The following SEMA6D variants were observed in gnomAD, a reference collection of about 807,000 sequenced individuals.
The protein encoded by SEMA6D is semaphorin-6D.
A neutral mutation model predicts 106.6 loss-of-function variants in SEMA6D; 35 were observed. That is an observed-to-expected ratio of 0.33 (90% CI 0.25 to 0.44). SEMA6D has a LOEUF of 0.44. Among genes scored for constraint, SEMA6D ranks in the 20% least tolerant of loss-of-function variants. The pLI is 1.00. For synonymous variants in SEMA6D, 499 were observed against 487.7 expected (o/e 1.02, Z -0.31); for missense variants, 1,185 against 1,345.9 (o/e 0.88, Z 1.87).
intron 1 of SEMA6D, among the ~76,000 whole-genome samples, chr15:47,359,233 A>G (rs1227212940): frequency 6.6e-6 from 1 of 152,220 alleles, no homozygotes; most frequent in Non-Finnish European, 1.5e-5. Flanking sequence ...ATATTTATAC[A>G]TATGTGTATG....
chr15:47,382,129 G>C (rs1409167212), intron 1 of SEMA6D, among the ~76,000 whole-genome samples: 1 of 152,066 alleles, frequency 6.6e-6, no homozygotes, highest in African/African-American at 2.4e-5. Context: ...ATATTAACAT[G>C]GCAAAAGAAA....
At chr15:47,281,707 G>A (rs2035128422) in intron 1 of SEMA6D, among the ~76,000 whole-genome samples, 1 of 152,076 alleles carries the variant, frequency 6.6e-6, no homozygotes, top group South Asian at 2.1e-4. Context: ...ATAGAGCACA[G>A]TATAATGTTA....
intron 4 of SEMA6D, among the ~76,000 whole-genome samples, chr15:47,711,309 C>CAAAAAAAAA (rs10672105): frequency 3.1e-5 from 3 of 97,816 alleles, no homozygotes; most frequent in Non-Finnish European, 5.8e-5. Flanking sequence ...GACTCCGTCT[C>CAAAAAAAAA]AAAAAAAAAA....
At position 47,506,597 on chromosome 15, in the gene SEMA6D, CAA is replaced by C. The variant is rs61613389; in HGVS notation, c.-87+36054_-87+36055del. 2.5e-3 allele frequency among the ~76,000 whole-genome samples: 362 copies of C among 142,730 alleles called. 2 individuals carry two copies. The highest frequency in any genetic ancestry group is 9.0e-3 in the African/African-American group (333 of 36,936). 93.6% of individuals were successfully genotyped at this position (142,730 alleles called of 152,430 possible). On this transcript the variant is annotated intron_variant, in intron 3 of 19. Transcript: ENST00000558014. ...AACTACATGGGCATTTACACACACACAAACACACACACACACACACACACACA... is the reference window on the plus strand; with the variant it reads ...AACTACATGGGCATTTACACACACACACACACACACACACACACACACACA...
chr15:47,737,134 A>C (rs898787526), intron 1 of SEMA6D, among the ~76,000 whole-genome samples: 4 of 152,186 alleles, frequency 2.6e-5, no homozygotes, highest in African/African-American at 9.6e-5. Context: ...TAATATGCTA[A>C]TTTAGCTGAA....
intron 2 of SEMA6D, among the ~76,000 whole-genome samples, chr15:47,453,837 C>T (rs942119793): frequency 1.3e-5 from 2 of 151,904 alleles, no homozygotes; most frequent in African/African-American, 4.8e-5. Flanking sequence ...AATGAAGCTA[C>T]AAGATAGAGT....
chr15:47,767,006 C>A (rs750718335), intron 16 of SEMA6D, 31 bp from the exon 17 acceptor site: 4 of 1,335,980 alleles, frequency 3.0e-6, no homozygotes, highest in South Asian at 1.5e-5. Context: ...GGTTACTTTT[C>A]ACTGATTACT....
At chr15:47,216,790 G>T (rs1221905285) in intron 1 of SEMA6D, among the ~76,000 whole-genome samples, 18 of 151,966 alleles carry the variant, frequency 1.2e-4, no homozygotes, top group Non-Finnish European at 1.9e-4. Context: ...TATAATTAAA[G>T]AGATGAAAAT....
chr15:47,434,824 G>T (rs1301040407), intron 2 of SEMA6D, among the ~76,000 whole-genome samples: 1 of 152,112 alleles, frequency 6.6e-6, no homozygotes, highest in African/African-American at 2.4e-5. Flanking sequence ...AGGAATATGT[G>T]TGTTTATATC....
At chr15:47,728,325 A>G (rs1456360888) in intron 1 of SEMA6D, among the ~76,000 whole-genome samples, 6 of 152,232 alleles carry the variant, frequency 3.9e-5, no homozygotes. Context: ...GCTCTAGTGA[A>G]AAGTATTATT....
intron 1 of SEMA6D, among the ~76,000 whole-genome samples, chr15:47,302,879 A>G (rs1394750096): frequency 6.6e-6 from 1 of 152,182 alleles, no homozygotes. Context: ...AAGAGACTAC[A>G]TTGGTGTTTT....
At chr15:47,281,714 G>T (rs2035129093) in intron 1 of SEMA6D, among the ~76,000 whole-genome samples, 1 of 151,992 alleles carries the variant, frequency 6.6e-6, no homozygotes, top group African/African-American at 2.4e-5. Flanking sequence ...ACAGTATAAT[G>T]TTAACATAAA....
At chr15:47,374,631 A>C (rs2039387878) in intron 1 of SEMA6D, among the ~76,000 whole-genome samples, 1 of 152,184 alleles carries the variant, frequency 6.6e-6, no homozygotes. Context: ...TATGAGGCCC[A>C]CTGCATTAAG....
intron 4 of SEMA6D, among the ~76,000 whole-genome samples, chr15:47,711,538 C>T (rs559760311): frequency 2.0e-4 from 31 of 152,210 alleles, no homozygotes; most frequent in South Asian, 6.2e-4. Context: ...TGCCACTTCA[C>T]CACAGCTTAA....
intron 1 of SEMA6D, among the ~76,000 whole-genome samples, chr15:47,402,102 G>A (rs984372055): frequency 1.3e-5 from 2 of 152,158 alleles, no homozygotes; most frequent in African/African-American, 4.8e-5. Flanking sequence ...TATCTGTACT[G>A]CATGGTAGCC....
At chr15:47,356,569 GA>G (rs5812382) in intron 1 of SEMA6D, among the ~76,000 whole-genome samples, 92,260 of 144,396 alleles carry the variant, frequency 0.64, 29,585 homozygotes, top group Non-Finnish European at 0.72. Context: ...AAGAGAGAGC[GA>G]AAAAAAAAAA....
At chr15:47,702,420 G>A (rs942840165) in intron 4 of SEMA6D, among the ~76,000 whole-genome samples, 2 of 152,162 alleles carry the variant, frequency 1.3e-5, no homozygotes, top group Non-Finnish European at 2.9e-5. Context: ...TTGCTGATGG[G>A]AATGCAAAAT....
chr15:47,548,461 C>T (rs955755562), intron 3 of SEMA6D, among the ~76,000 whole-genome samples: 1 of 152,056 alleles, frequency 6.6e-6, no homozygotes, highest in Non-Finnish European at 1.5e-5. Flanking sequence ...AAAGTGTAGG[C>T]AAGGGAATTT....
At chr15:47,728,859 C>G (rs887662734) in intron 1 of SEMA6D, among the ~76,000 whole-genome samples, 5 of 152,250 alleles carry the variant, frequency 3.3e-5, no homozygotes, top group Non-Finnish European at 7.3e-5. Flanking sequence ...TTCTGCCTCT[C>G]TCTTCCATCT....
Sources: allele counts gnomAD v4.1 joint callset (sites outside exome capture counted in the v4.1 genomes callset), GRCh38; gene constraint gnomAD v4.1.1; transcripts MANE v1.5; gene names NCBI Gene and HGNC (gene_info 2026-07-23, HGNC 2026-07-21).